The following NAA40 variants were observed in gnomAD, a reference collection of about 807,000 sequenced individuals.
NAA40 encodes N-alpha-acetyltransferase 40.
A neutral mutation model predicts 36.6 loss-of-function variants in NAA40; 26 were observed. The ratio of observed to expected loss-of-function variants is 0.71; its 90% CI spans 0.52 to 0.98. The LOEUF (loss-of-function observed/expected upper bound fraction) is 0.98, where lower values mean the gene tolerates loss of function less well. Among genes scored for constraint, NAA40 ranks in the 50% least tolerant of loss-of-function variants. The probability of loss-of-function intolerance (pLI) is 0.00; values close to 1 mark genes in which losing one functional copy is unlikely to be tolerated. For synonymous variants in NAA40, 129 were observed against 108.4 expected (o/e 1.19, Z -1.18); for missense variants, 237 against 306.5 (o/e 0.77, Z 1.69).
intron 5 of NAA40, 48 bp from the exon 6 acceptor site, chr11:63,952,707 CT>C (rs1295326477): frequency 1.9e-6 from 3 of 1,608,612 alleles, no homozygotes; most frequent in Non-Finnish European, 2.6e-6. Flanking sequence ...ACCTTACAGC[CT>C]CTTCATGTCC....
At chr11:63,949,434 T>A (rs908446748) in intron 3 of NAA40, among the ~76,000 whole-genome samples, 1 of 152,078 alleles carries the variant, frequency 6.6e-6, no homozygotes, top group Non-Finnish European at 1.5e-5. Flanking sequence ...ATAGGTAAAT[T>A]TTCAACCCTC....
intron 1 of NAA40, among the ~76,000 whole-genome samples, chr11:63,944,851 C>T (rs1472767426): frequency 1.4e-5 from 2 of 144,750 alleles, no homozygotes; most frequent in South Asian, 2.2e-4. Flanking sequence ...TGCCGTGAAC[C>T]GAGATCTCAC....
In NAA40 at chr11:63,954,351, G is replaced by T. The variant is rs982753332; in HGVS notation, c.586G>T (p.Asp196Tyr). The T allele has an allele frequency of 6.3e-7, 1 of 1,592,054 alleles. No homozygotes were observed. Among genetic ancestry groups the T allele is most frequent in the Non-Finnish European group, 8.5e-7 (1 of 1,170,422 alleles). Residue 196 changes from aspartate (D) to tyrosine (Y), a missense_variant, in exon 8 of 8, where the codon GAC becomes TAC. Asp to Tyr is a radical substitution (Grantham distance 160, BLOSUM62 -3). Coordinates refer to ENST00000377793, the MANE Select transcript of NAA40 (RefSeq NM_024771.4). ...FREALQFEIDDSSPSMSGCCG... is the reference protein window; with the variant it reads ...FREALQFEIDYSSPSMSGCCG... Reference sequence around the variant, plus strand: ...CCTGCCTTGCAGATTTGAAATTGATGACTCTTCCCCCAGCATGTCCGGTTG... The same window carrying T: ...CCTGCCTTGCAGATTTGAAATTGATTACTCTTCCCCCAGCATGTCCGGTTG...
At chr11:63,945,303 C>T (rs2134270142) in intron 1 of NAA40, among the ~76,000 whole-genome samples, 1 of 152,290 alleles carries the variant, frequency 6.6e-6, no homozygotes, top group African/African-American at 2.4e-5. Context: ...GTCCTTGAGT[C>T]CGAACACGGT....
chr11:63,955,985 C>T lies in NAA40; in HGVS notation c.*1506C>T, dbSNP rs924891424. The T allele has an allele frequency of 1.3e-5, 2 of 152,624 alleles. No individual in the cohort carries two copies. Among genetic ancestry groups the T allele is most frequent in the African/African-American group, 4.8e-5 (2 of 41,464 alleles). The allele number at this position is 152,624 out of a possible 1,614,324, so 9.5% of individuals were successfully genotyped here. Reference sequence around the variant, plus strand: ...CATCCCACCCTCTGCCCAACTCTGGCAGTCTCTCCTGGCAGATCTCCCCAG... The same window carrying T: ...CATCCCACCCTCTGCCCAACTCTGGTAGTCTCTCCTGGCAGATCTCCCCAG... On this transcript the variant is annotated 3_prime_UTR_variant, in exon 8 of 8. Coordinates refer to ENST00000377793, the MANE Select transcript of NAA40 (RefSeq NM_024771.4).
intron 3 of NAA40, chr11:63,952,007 G>A: frequency 3.9e-6 from 2 of 519,316 alleles, no homozygotes; most frequent in Non-Finnish European, 6.9e-6. Context: ...GGGGAGGCAG[G>A]AAACGGGCCT....
chr11:63,939,342 C>T (rs1942069031), intron 1 of NAA40: 3 of 1,262,504 alleles, frequency 2.4e-6, no homozygotes, highest in Non-Finnish European at 3.0e-6. Flanking sequence ...GCGTCACGCC[C>T]GCCCCTTCCT....
In NAA40 at chr11:63,956,343, T is replaced by G. The variant is rs1942365137; in HGVS notation, c.*1864T>G. On this transcript the variant is annotated 3_prime_UTR_variant, in exon 8 of 8. Transcript: ENST00000377793. Reference sequence around the variant, plus strand: ...GTCCCTGTCTCTGAAAGGACACAGATGCTAAATATTTATTGTCTTAGATCA... The same window carrying G: ...GTCCCTGTCTCTGAAAGGACACAGAGGCTAAATATTTATTGTCTTAGATCA... 1 of 152,512 alleles carries G rather than the reference T, an allele frequency of 6.6e-6. No homozygotes were observed. Among genetic ancestry groups the G allele is most frequent in the Non-Finnish European group, 1.5e-5 (1 of 68,034 alleles). The allele number at this position is 152,512 out of a possible 1,614,324, so 9.4% of individuals were successfully genotyped here. A position where few individuals can be genotyped will look rare whatever the true frequency, so the allele number is the denominator to read the frequency against.
rs1055933 is a variant in NAA40 at position 63,956,703 on chromosome 11, G to A, written c.*2224G>A. On this transcript the variant is annotated 3_prime_UTR_variant, in exon 8 of 8. Transcript: ENST00000377793. The stretch of plus-strand genomic sequence containing the variant: ...AGAAACAGCAGGCATGGCTGAGTGC[G>A]GTGGCTTACACCTGTAATCCCAGCA... The A allele has an allele frequency of 0.19, 29,638 of 152,622 alleles. 3,778 individuals are homozygous for A. Among genetic ancestry groups the A allele is most frequent in the Non-Finnish European group, 0.29 (19,519 of 68,060 alleles). 9.5% of individuals were successfully genotyped at this position (152,622 alleles called of 1,614,324 possible).
In NAA40 at chr11:63,954,483, C is replaced by T; in HGVS notation, c.*4C>T. Reference sequence around the variant, plus strand: ...CTGTGGTGGCTGCTGCCACTGAACTCTCAGAGCCACTTTCAAGTCACAATG... The same window carrying T: ...CTGTGGTGGCTGCTGCCACTGAACTTTCAGAGCCACTTTCAAGTCACAATG... On this transcript the variant is annotated 3_prime_UTR_variant, in exon 8 of 8. Transcript: ENST00000377793. 1 of 1,588,882 alleles carries T rather than the reference C, an allele frequency of 6.3e-7. No individual in the cohort carries two copies. Among genetic ancestry groups the T allele is most frequent in the East Asian group, 2.2e-5 (1 of 44,566 alleles).
At chr11:63,954,224 C>A in intron 7 of NAA40, 114 bp from the exon 8 acceptor site, 1 of 1,447,018 alleles carries the variant, frequency 6.9e-7, no homozygotes, top group Non-Finnish European at 9.3e-7. Context: ...CTGTCCACCT[C>A]CTGCACCCTC....
Position 63,954,599 on chromosome 11 carries a change from TGCGCCCTG to T in NAA40, c.*121_*128del. 2.5e-6 allele frequency: 3 copies of T among 1,215,976 alleles called. No homozygotes were observed. Among genetic ancestry groups the T allele is most frequent in the Non-Finnish European group, 3.3e-6 (3 of 906,874 alleles). 75.3% of individuals were successfully genotyped at this position (1,215,976 alleles called of 1,614,324 possible). A position where few individuals can be genotyped will look rare whatever the true frequency, so the allele number is the denominator to read the frequency against. Reference sequence around the variant, plus strand: ...CTCCCCAGCCCTGCACGTGCCAGGCTGCGCCCTGAGAGCACAGAACCCTGGGGAGAAGT... The same window carrying T: ...CTCCCCAGCCCTGCACGTGCCAGGCTAGAGCACAGAACCCTGGGGAGAAGT... On this transcript the variant is annotated 3_prime_UTR_variant, in exon 8 of 8. Coordinates refer to ENST00000377793, the MANE Select transcript of NAA40 (RefSeq NM_024771.4).
chr11:63,950,038 C>T (rs1239063561), intron 3 of NAA40, among the ~76,000 whole-genome samples: 4 of 151,930 alleles, frequency 2.6e-5, no homozygotes, highest in African/African-American at 9.7e-5. Context: ...GCCACCGTGC[C>T]CAGCCAAACT....
At chr11:63,950,427 C>T (rs1554996297) in intron 3 of NAA40, among the ~76,000 whole-genome samples, 1 of 148,444 alleles carries the variant, frequency 6.7e-6, no homozygotes, top group Non-Finnish European at 1.5e-5. Context: ...CCTGGAAAGT[C>T]TTTTGACATA....
intron 2 of NAA40, chr11:63,946,705 G>T: frequency 6.6e-7 from 1 of 1,507,144 alleles, no homozygotes; most frequent in Non-Finnish European, 8.9e-7. Flanking sequence ...GGCTAATGAG[G>T]TCTCCTCTTG....
chr11:63,945,923 C>T lies in NAA40; in HGVS notation c.90C>T (p.Asp30=), dbSNP rs60725842. ...TGGATGCCGTTTGTGCCAAAGTGGA[C>T]GCTGCCAACAGGGTGATTCTCCCTT... is the stretch of plus-strand genomic sequence containing the variant. ...AAMDAVCAKV[D]AANRLGDPLE... The change falls in exon 2 of 8, where the codon GAC becomes GAT. Residue 30 remains aspartate, a synonymous_variant. Coordinates refer to ENST00000377793, the MANE Select transcript of NAA40 (RefSeq NM_024771.4). 1.1e-3 allele frequency: 1,825 copies of T among 1,613,940 alleles called. 17 individuals carry two copies. In the African/African-American group the frequency reaches 0.018, roughly 16 times the overall value.
intron 1 of NAA40, chr11:63,939,368 T>G: frequency 3.1e-5 from 38 of 1,222,042 alleles, no homozygotes; most frequent in East Asian, 2.3e-4. Context: ...GCGGACCCGT[T>G]ACTGGCCTCC....
At position 63,945,887 on chromosome 11, in the gene NAA40, G is replaced by T. The variant is rs1942178127; in HGVS notation, c.54G>T (p.Glu18Asp). The change falls in exon 2 of 8, where the codon GAG (glutamate) becomes GAT (aspartate). Residue 18 changes from glutamate to aspartate, a missense_variant. Transcript: ENST00000377793. ...AKEKKQKRLE[E>D]RAAMDAVCAK... ...AGAAGAAGCAGAAGCGGTTGGAGGA[G>T]CGAGCAGCCATGGATGCCGTTTGTG... 1 of 1,614,074 alleles carries T rather than the reference G, an allele frequency of 6.2e-7. No individual in the cohort carries two copies. Among genetic ancestry groups the T allele is most frequent in the South Asian group, 1.1e-5 (1 of 91,080 alleles).
Position 63,943,789 on chromosome 11 carries a change from C to T in NAA40, c.7-2051C>T, listed in dbSNP as rs1318270989. Reference sequence around the variant, plus strand: ...CCTGGGCAACATAGTGAGACTCCCCCATCTCTAAAAAAAATAAAGAAAAAA... The same window carrying T: ...CCTGGGCAACATAGTGAGACTCCCCTATCTCTAAAAAAAATAAAGAAAAAA... On this transcript the variant is annotated intron_variant, in intron 1 of 7. Transcript: ENST00000377793. Among the ~76,000 whole-genome samples the T allele has an allele frequency of 2.6e-5, 4 of 151,878 alleles. No homozygotes were observed. In the South Asian group the frequency reaches 8.3e-4, roughly 32 times the overall value.
Sources: gnomAD v4.1 joint callset for allele counts (sites outside exome capture counted in the v4.1 genomes callset) on GRCh38, gnomAD v4.1.1 for gene constraint, MANE v1.5 for transcripts, NCBI Gene and HGNC (gene_info 2026-07-23, HGNC 2026-07-21) for gene names.